Variants in PPP1R12A observed in about 807,000 individuals in gnomAD.
PPP1R12A encodes myosin binding subunit.
In PPP1R12A, 19 loss-of-function variants were observed where a neutral mutation model predicts 139.6. The observed-to-expected ratio is 0.14, with a 90% confidence interval of 0.09 to 0.20. PPP1R12A has a LOEUF of 0.20. PPP1R12A is among the 10% of genes least tolerant of loss of function. PPP1R12A has a pLI of 1.00. For missense variants in PPP1R12A, 925 were observed against 1,211.5 expected (o/e 0.76, Z 3.51); for synonymous variants, 427 against 420.6 (o/e 1.02, Z -0.19).
intron 13 of PPP1R12A, 94 bp from the exon 14 acceptor site, chr12:79,805,862 G>A: frequency 3.0e-6 from 4 of 1,316,054 alleles, no homozygotes; most frequent in Non-Finnish European, 4.1e-6. Context: ...ATGACTACAG[G>A]GATGGATTTT....
chr12:79,842,575 TTGTGTGTG>T (rs148792533), intron 3 of PPP1R12A, among the ~76,000 whole-genome samples: 17,153 of 143,878 alleles, frequency 0.12, 2,598 homozygotes, highest in African/African-American at 0.36. Flanking sequence ...ATGTGGCACT[TTGTGTGTG>T]TGTGTGTGTG....
In PPP1R12A at chr12:79,863,732, G is replaced by A. The variant is rs796850199; in HGVS notation, c.368+9076C>T. 2.1e-5 allele frequency among the ~76,000 whole-genome samples: 3 copies of A among 145,084 alleles called. No homozygotes were observed. The Admixed American group carries it at 2.1e-4, about 10-fold the overall frequency. On this transcript the variant is annotated intron_variant, in intron 2 of 24. Transcript: ENST00000450142. ...GACTTTAAACCAACAAAGATCAAAA[G>A]AGACAAAGAAGGCCATTACATAATG...
chr12:79,819,563 T>C (rs894618015), intron 8 of PPP1R12A: 1 of 152,164 alleles, frequency 6.6e-6, no homozygotes, highest in Non-Finnish European at 1.5e-5. Flanking sequence ...CTTGTGCACA[T>C]AGTTTAATTT....
At chr12:79,867,729 GA>G (rs1397367380) in intron 2 of PPP1R12A, among the ~76,000 whole-genome samples, 2 of 152,178 alleles carry the variant, frequency 1.3e-5, no homozygotes, top group South Asian at 4.1e-4. Flanking sequence ...GTTGTAGGAG[GA>G]ACCCAGAGGG....
chr12:79,784,372 G>T (rs764789533), intron 22 of PPP1R12A, among the ~76,000 whole-genome samples: 7 of 152,188 alleles, frequency 4.6e-5, no homozygotes. Context: ...CCAGGTAACA[G>T]AAATTGGTAC....
At chr12:79,782,031 G>A in intron 22 of PPP1R12A, 169 bp from the exon 23 acceptor site, 2 of 409,000 alleles carry the variant, frequency 4.9e-6, no homozygotes, top group Admixed American at 4.2e-5. Flanking sequence ...AATAAAGAGT[G>A]CAATGAATGT....
intron 1 of PPP1R12A, among the ~76,000 whole-genome samples, chr12:79,904,525 G>A (rs992185466): frequency 6.6e-6 from 1 of 151,960 alleles, no homozygotes; most frequent in Non-Finnish European, 1.5e-5. Context: ...TCCTTATGAC[G>A]AAAACCTTGC....
At chr12:79,798,242 T>TA (rs1204016062) in intron 15 of PPP1R12A, among the ~76,000 whole-genome samples, 56 of 152,258 alleles carry the variant, frequency 3.7e-4, no homozygotes, top group Non-Finnish European at 1.6e-4. Flanking sequence ...TTAGATGAAA[T>TA]ACAATAGTAG....
intron 1 of PPP1R12A, among the ~76,000 whole-genome samples, chr12:79,892,303 C>T (rs891217317): frequency 6.6e-6 from 1 of 152,174 alleles, no homozygotes; most frequent in African/African-American, 2.4e-5. Context: ...ATTTCTTAAA[C>T]ATGCCCAATC....
At chr12:79,872,319 A>G (rs1439744726) in intron 2 of PPP1R12A, among the ~76,000 whole-genome samples, 2 of 152,220 alleles carry the variant, frequency 1.3e-5, no homozygotes, top group Admixed American at 6.5e-5. Context: ...CATTAAAGGT[A>G]GTAGAGAATA....
intron 1 of PPP1R12A, among the ~76,000 whole-genome samples, chr12:79,902,300 AAT>A (rs905522234): frequency 2.0e-5 from 3 of 152,244 alleles, no homozygotes; most frequent in East Asian, 1.9e-4. Context: ...TTAACCTGAA[AAT>A]ATGACATTTC....
intron 18 of PPP1R12A, among the ~76,000 whole-genome samples, chr12:79,794,513 A>C (rs1464945921): frequency 6.6e-6 from 1 of 152,058 alleles, no homozygotes; most frequent in Non-Finnish European, 1.5e-5. Flanking sequence ...AAGTAAAATT[A>C]AAATGGACTG....
At chr12:79,889,073 T>C (rs1337617808) in intron 1 of PPP1R12A, among the ~76,000 whole-genome samples, 1 of 152,154 alleles carries the variant, frequency 6.6e-6, no homozygotes, top group African/African-American at 2.4e-5. Context: ...AAGAACTAAT[T>C]TATGGACTAA....
At chr12:79,927,646 G>A (rs542704876) in intron 1 of PPP1R12A, among the ~76,000 whole-genome samples, 1 of 152,052 alleles carries the variant, frequency 6.6e-6, no homozygotes. Context: ...TTTGAGTTTC[G>A]GCATCAAACA....
At chr12:79,892,340 AT>A (rs995728711) in intron 1 of PPP1R12A, among the ~76,000 whole-genome samples, 2 of 152,202 alleles carry the variant, frequency 1.3e-5, no homozygotes, top group African/African-American at 4.8e-5. Flanking sequence ...GAACCAAAAA[AT>A]AATAATTGTC....
chr12:79,797,398 G>A lies in PPP1R12A; in HGVS notation c.2092-3C>T. ...TGAAGATCAGTTAATGTCACTCCCT[G>A]CACACACAAAAAGATCAATATAATT... On this transcript the variant is annotated splice_polypyrimidine_tract_variant and splice_region_variant and intron_variant, in intron 15 of 24. Transcript: ENST00000450142. 2 of 1,578,772 alleles carry A rather than the reference G, an allele frequency of 1.3e-6. No individual in the cohort carries two copies. The highest frequency in any genetic ancestry group is 1.2e-5 in the South Asian group (1 of 83,306).
intron 3 of PPP1R12A, among the ~76,000 whole-genome samples, chr12:79,834,353 A>T (rs1877820817): frequency 6.6e-6 from 1 of 152,186 alleles, no homozygotes; most frequent in Non-Finnish European, 1.5e-5. Context: ...CAGAGTAGTA[A>T]GGACAATGAG....
intron 1 of PPP1R12A, among the ~76,000 whole-genome samples, chr12:79,931,348 A>G (rs190767667): frequency 6.6e-6 from 1 of 152,302 alleles, no homozygotes; most frequent in East Asian, 1.9e-4. Flanking sequence ...TACATTTAAT[A>G]TTTCATTTCA....
chr12:79,851,528 C>T (rs990819827), intron 2 of PPP1R12A, among the ~76,000 whole-genome samples: 5 of 152,098 alleles, frequency 3.3e-5, no homozygotes, highest in Non-Finnish European at 5.9e-5. Flanking sequence ...ATTTATCCCC[C>T]CTCTGGTATA....
Sources: allele counts gnomAD v4.1 joint callset (sites outside exome capture counted in the v4.1 genomes callset), GRCh38; gene constraint gnomAD v4.1.1; transcripts MANE v1.5; gene names NCBI Gene and HGNC (gene_info 2026-07-23, HGNC 2026-07-21).